The following PLCL2 variants were observed in gnomAD, a reference collection of about 807,000 sequenced individuals.
PLCL2 encodes inactive phospholipase C-like protein 2.
A neutral mutation model predicts 79.6 loss-of-function variants in PLCL2; 4 were observed. The observed-to-expected ratio is 0.05, with a 90% CI of 0.02 to 0.11. PLCL2 has a LOEUF of 0.11. PLCL2 is among the 10% of genes least tolerant of loss of function. The pLI, the probability that PLCL2 is intolerant of heterozygous loss-of-function variation, is 1.00. For synonymous variants in PLCL2, 484 were observed against 457.7 expected (o/e 1.06, Z -0.73); for missense variants, 895 against 1,291.0 (o/e 0.69, Z 4.70).
chr3:16,974,845 AATAG>A (rs2063907757), intron 1 of PLCL2, among the ~76,000 whole-genome samples: 1 of 152,214 alleles, frequency 6.6e-6, no homozygotes, highest in South Asian at 2.1e-4. Context: ...CACTTTACAT[AATAG>A]ATGAGTATTG....
intron 1 of PLCL2, among the ~76,000 whole-genome samples, chr3:17,006,706 T>G (rs1181908277): frequency 6.6e-6 from 1 of 152,190 alleles, no homozygotes; most frequent in African/African-American, 2.4e-5. Flanking sequence ...ATCATGTTCA[T>G]GTGTCTGCAA....
chr3:16,956,797 A>AT (rs2063710074), intron 1 of PLCL2, among the ~76,000 whole-genome samples: 1 of 151,860 alleles, frequency 6.6e-6, no homozygotes, highest in Non-Finnish European at 1.5e-5. Flanking sequence ...TTTCTTCTAG[A>AT]TTTTCTAGTT....
In PLCL2 at chr3:16,887,860, T is replaced by C. The variant is rs1696259969; in HGVS notation, c.327+2494T>C. ...TGTGAAAAAGCAATAGTGACATCTT[T>C]CCTTGGTTTCCTTATTTTTTTTAAT... On this transcript the variant is annotated intron_variant, in intron 1 of 5. Coordinates refer to ENST00000615277, the MANE Select transcript of PLCL2 (RefSeq NM_001144382.2). The surrounding 1 kb of genome is among the most constrained non-coding windows in gnomAD (Gnocchi z 4.1). 1.3e-5 allele frequency among the ~76,000 whole-genome samples: 2 copies of C among 152,170 alleles called. No homozygotes were observed. Among genetic ancestry groups the C allele is most frequent in the Non-Finnish European group, 2.9e-5 (2 of 68,028 alleles).
chr3:16,946,784 G>A (rs1346185298), intron 1 of PLCL2, among the ~76,000 whole-genome samples: 1 of 151,850 alleles, frequency 6.6e-6, no homozygotes, highest in Non-Finnish European at 1.5e-5. Context: ...AAAGTTTATA[G>A]AAGTTATAAG....
At chr3:17,081,281 A>G (rs770637507) in intron 5 of PLCL2, 4 of 456,362 alleles carry the variant, frequency 8.8e-6, no homozygotes, top group South Asian at 6.2e-5. Flanking sequence ...ACTGCATGTG[A>G]TTTGGAAGAA....
intron 1 of PLCL2, among the ~76,000 whole-genome samples, chr3:16,967,890 T>C (rs2063822513): frequency 6.6e-6 from 1 of 152,132 alleles, no homozygotes; most frequent in Non-Finnish European, 1.5e-5. Flanking sequence ...ATTTTTATAG[T>C]TTTAGGTTTT....
intron 1 of PLCL2, among the ~76,000 whole-genome samples, chr3:16,912,260 G>A (rs986806917): frequency 2.0e-5 from 3 of 151,926 alleles, no homozygotes; most frequent in Admixed American, 6.6e-5. Flanking sequence ...TAGCCAAATA[G>A]TGTTTCAAAA....
chr3:16,895,191 CTG>C (rs1696451323), intron 1 of PLCL2, among the ~76,000 whole-genome samples: 1 of 151,720 alleles, frequency 6.6e-6, no homozygotes, highest in Admixed American at 6.6e-5. Flanking sequence ...TGCTTTTTCA[CTG>C]TCTTAAAGGG....
chr3:16,939,558 A>G (rs1697626276), intron 1 of PLCL2, among the ~76,000 whole-genome samples: 1 of 152,276 alleles, frequency 6.6e-6, no homozygotes, highest in African/African-American at 2.4e-5. Flanking sequence ...AAACACATAA[A>G]TAAATGTGAA....
intron 1 of PLCL2, among the ~76,000 whole-genome samples, chr3:16,925,159 G>A (rs1427445705): frequency 7.3e-5 from 11 of 151,194 alleles, no homozygotes; most frequent in African/African-American, 7.3e-5. Flanking sequence ...TCCTGACCTC[G>A]TGATCCGCCC....
chr3:17,058,864 A>T (rs2064917481), intron 4 of PLCL2, among the ~76,000 whole-genome samples: 1 of 152,106 alleles, frequency 6.6e-6, no homozygotes, highest in African/African-American at 2.4e-5. Flanking sequence ...CATTTTTCAG[A>T]TGTTTGTATT....
intron 1 of PLCL2, among the ~76,000 whole-genome samples, chr3:16,994,604 T>C (rs1004925368): frequency 1.3e-5 from 2 of 152,248 alleles, no homozygotes; most frequent in African/African-American, 4.8e-5. Flanking sequence ...CAATGCATAT[T>C]ATAACATTTT....
intron 1 of PLCL2, among the ~76,000 whole-genome samples, chr3:16,913,737 A>G (rs1696932247): frequency 2.6e-5 from 4 of 152,134 alleles, no homozygotes; most frequent in Admixed American, 2.6e-4. Context: ...TCATGTAGTC[A>G]TTATTTTTGT....
chr3:16,995,677 A>G (rs549671538), intron 1 of PLCL2, among the ~76,000 whole-genome samples: 3 of 152,370 alleles, frequency 2.0e-5, no homozygotes, highest in African/African-American at 7.2e-5. Flanking sequence ...ACTTTGGATT[A>G]CATTACTAAA....
chr3:16,962,995 T>A (rs1011011771), intron 1 of PLCL2, among the ~76,000 whole-genome samples: 2 of 152,134 alleles, frequency 1.3e-5, no homozygotes, highest in Non-Finnish European at 2.9e-5. Context: ...TAAAAATAGC[T>A]TCTTTTGAAT....
intron 1 of PLCL2, among the ~76,000 whole-genome samples, chr3:16,975,361 T>A (rs577393907): frequency 7.5e-4 from 114 of 152,298 alleles, no homozygotes; most frequent in African/African-American, 2.6e-3. Flanking sequence ...ATCACTCAGA[T>A]TTCAGGCCAT....
At chr3:16,931,477 T>G (rs1697391515) in intron 1 of PLCL2, among the ~76,000 whole-genome samples, 1 of 152,214 alleles carries the variant, frequency 6.6e-6, no homozygotes, top group South Asian at 2.1e-4. Context: ...AAAAACAATT[T>G]AAATAGAGAC....
In PLCL2 at chr3:16,968,975, GA is replaced by G. The variant is rs1251437819; in HGVS notation, c.328-40696del. On this transcript the variant is annotated intron_variant, in intron 1 of 5. Transcript: ENST00000615277. Reference sequence around the variant, plus strand: ...AACACGAAGGATGTTGGATTTTATTGAAAGCCTTTTCTACATCTAATGAGAT... The same window carrying G: ...AACACGAAGGATGTTGGATTTTATTGAAGCCTTTTCTACATCTAATGAGAT... 3.9e-5 allele frequency among the ~76,000 whole-genome samples: 6 copies of G among 152,180 alleles called. No homozygotes were observed. The East Asian group carries it at 1.2e-3, about 29-fold the overall frequency.
intron 1 of PLCL2, among the ~76,000 whole-genome samples, chr3:16,942,795 G>C (rs1405170456): frequency 6.6e-6 from 1 of 152,146 alleles, no homozygotes; most frequent in Non-Finnish European, 1.5e-5. Context: ...ACTTGTAAAA[G>C]AGAAATTAGT....
Sources: allele counts gnomAD v4.1 joint callset (sites outside exome capture counted in the v4.1 genomes callset), GRCh38; gene constraint gnomAD v4.1.1; non-coding constraint Gnocchi (gnomAD v3.1); transcripts MANE v1.5; gene names NCBI Gene and HGNC (gene_info 2026-07-23, HGNC 2026-07-21).